Variants in RSF1 observed in about 807,000 individuals in gnomAD.
The protein encoded by RSF1 is remodeling and spacing factor 1, also known as HBV pX-associated protein 8.
In RSF1, 13 loss-of-function variants were observed where a neutral mutation model predicts 145.2. The observed-to-expected ratio is 0.09, with a 90% CI of 0.06 to 0.14. RSF1 has a LOEUF of 0.14. Among genes scored for constraint, RSF1 ranks in the 10% least tolerant of loss-of-function variants. The pLI is 1.00. For synonymous variants in RSF1, 577 were observed against 592.6 expected, an observed-to-expected ratio of 0.97 and a Z score of 0.38; for missense variants, 1,517 against 1,718.2, an observed-to-expected ratio of 0.88 and a Z score of 2.07.
At chr11:77,741,035 G>T in intron 3 of RSF1, 99 bp from the exon 4 acceptor site, 1 of 859,008 alleles carries the variant, frequency 1.2e-6, no homozygotes, top group Non-Finnish European at 1.9e-6. Flanking sequence ...GAAAGCAGTG[G>T]ACAGAACACA....
chr11:77,788,497 TAAA>T (rs35227998), intron 1 of RSF1, among the ~76,000 whole-genome samples: 79 of 130,726 alleles, frequency 6.0e-4, no homozygotes, highest in Non-Finnish European at 8.5e-4. Context: ...GAAGACAGGT[TAAA>T]AAAAAAAAAA....
chr11:77,781,535 A>G (rs952791821), intron 1 of RSF1, among the ~76,000 whole-genome samples: 3 of 152,234 alleles, frequency 2.0e-5, no homozygotes, highest in Admixed American at 2.0e-4. Context: ...GTTTAACCTA[A>G]TAAGAAACTC....
chr11:77,743,907 A>C (rs999868481), intron 3 of RSF1, among the ~76,000 whole-genome samples: 1 of 152,116 alleles, frequency 6.6e-6, no homozygotes, highest in African/African-American at 2.4e-5. Context: ...ATTTGTTGAG[A>C]GTTTTTATCA....
At chr11:77,674,521 T>C (rs1959639626) in intron 14 of RSF1, among the ~76,000 whole-genome samples, 1 of 152,202 alleles carries the variant, frequency 6.6e-6, no homozygotes, top group South Asian at 2.1e-4. Context: ...CCTATGAAGA[T>C]GAAGGTTTAG....
upstream of RSF1, among the ~76,000 whole-genome samples, chr11:77,822,414 CAAAAAAAAAA>C (rs66463325): frequency 4.0e-5 from 3 of 74,784 alleles, no homozygotes; most frequent in Admixed American, 4.9e-4. Context: ...GACTCCACCT[CAAAAAAAAAA>C]AAAAAAAAAA....
intron 1 of RSF1, among the ~76,000 whole-genome samples, chr11:77,797,447 C>G (rs1168459308): frequency 6.6e-6 from 1 of 152,178 alleles, no homozygotes; most frequent in Non-Finnish European, 1.5e-5. Context: ...GTTGGGAAAA[C>G]TGGCTAGCCA....
chr11:77,844,613 T>C, the RSF1 span, among the ~76,000 whole-genome samples: 1 of 152,236 alleles, frequency 6.6e-6, no homozygotes, highest in South Asian at 2.1e-4. Context: ...CCTCCCACCT[T>C]GGCCTCCCAA....
chr11:77,803,106 C>T (rs1483211248), intron 1 of RSF1, among the ~76,000 whole-genome samples: 1 of 152,086 alleles, frequency 6.6e-6, no homozygotes, highest in African/African-American at 2.4e-5. Context: ...CTTTATGCCA[C>T]GTAGTTTCAG....
At chr11:77,689,415 C>G (rs1360309778) in intron 9 of RSF1, among the ~76,000 whole-genome samples, 4 of 152,224 alleles carry the variant, frequency 2.6e-5, no homozygotes, top group African/African-American at 9.6e-5. Context: ...TATCTCCTAC[C>G]ATACCTCTAC....
At chr11:77,805,402 C>T (rs111373265) in intron 1 of RSF1, among the ~76,000 whole-genome samples, 5 of 151,726 alleles carry the variant, frequency 3.3e-5, no homozygotes, top group African/African-American at 9.7e-5. Context: ...GATCACACCA[C>T]TACACTCCAG....
intron 1 of RSF1, among the ~76,000 whole-genome samples, chr11:77,800,859 C>G (rs958006092): frequency 6.6e-6 from 1 of 151,760 alleles, no homozygotes; most frequent in Non-Finnish European, 1.5e-5. Flanking sequence ...GACTCTGTCT[C>G]TTCAATTAGC....
Position 77,732,582 on chromosome 11 carries a change from G to A in RSF1, c.579-6883C>T, listed in dbSNP as rs7939005. On this transcript the variant is annotated intron_variant, in intron 4 of 15. Transcript: ENST00000308488. ...TTCCCATCTGCTGTGGGAGGAATCC[G>A]GTGGAAGGCGATTGAATTAAGGGTG... Among the ~76,000 whole-genome samples the A allele has an allele frequency of 6.4e-3, 975 of 152,264 alleles. 9 individuals are homozygous for A. Among genetic ancestry groups the A allele is most frequent in the African/African-American group, 0.022 (910 of 41,556 alleles).
intron 5 of RSF1, among the ~76,000 whole-genome samples, chr11:77,710,589 G>C (rs1021352186): frequency 1.3e-5 from 2 of 152,084 alleles, no homozygotes; most frequent in African/African-American, 4.8e-5. Flanking sequence ...AACATATTCA[G>C]GTTCAATTTC....
intron 11 of RSF1, among the ~76,000 whole-genome samples, chr11:77,682,676 A>G (rs1027941385): frequency 2.0e-5 from 3 of 152,232 alleles, no homozygotes; most frequent in African/African-American, 7.2e-5. Flanking sequence ...AAGTCCACGT[A>G]AAACAGACAT....
Position 77,798,527 on chromosome 11 carries a change from G to A in RSF1, c.187+22001C>T, listed in dbSNP as rs548174911. On this transcript the variant is annotated intron_variant, in intron 1 of 15. Transcript: ENST00000308488. ...ACCTGGGAGGTGGAGGTTGCAGTGA[G>A]CCGAGATCATGCCACTGCACTCTAG... 9.9e-4 allele frequency among the ~76,000 whole-genome samples: 135 copies of A among 135,766 alleles called. 1 individual carries two copies. Among genetic ancestry groups the A allele is most frequent in the African/African-American group, 3.6e-3 (132 of 37,052 alleles). 89.1% of individuals were successfully genotyped at this position (135,766 alleles called of 152,430 possible). A position where few individuals can be genotyped will look rare whatever the true frequency, so the allele number is the denominator to read the frequency against.
chr11:77,678,761 T>C (rs1246932638), intron 11 of RSF1, among the ~76,000 whole-genome samples: 1 of 152,150 alleles, frequency 6.6e-6, no homozygotes, highest in Non-Finnish European at 1.5e-5. Flanking sequence ...AGGCCTTCAC[T>C]AGGCATCGGG....
rs1038708707 is a variant in RSF1, at chr11:77,744,169, C to T, written c.372+2867G>A. Reference sequence around the variant, plus strand: ...TCAGCCTCCCTAGTAGTTGGAATTACAGATATGTGCCACTATGCCCAGCTG... The same window carrying T: ...TCAGCCTCCCTAGTAGTTGGAATTATAGATATGTGCCACTATGCCCAGCTG... On this transcript the variant is annotated intron_variant, in intron 3 of 15. Coordinates refer to ENST00000308488, the MANE Select transcript of RSF1 (RefSeq NM_016578.4). Among the ~76,000 whole-genome samples, 13 of 152,206 alleles carry T rather than the reference C, an allele frequency of 8.5e-5. No individual in the cohort carries two copies. The East Asian group carries it at 1.4e-3, about 16-fold the overall frequency.
At chr11:77,789,702 C>T (rs1006974355) in intron 1 of RSF1, among the ~76,000 whole-genome samples, 2 of 152,184 alleles carry the variant, frequency 1.3e-5, no homozygotes, top group African/African-American at 4.8e-5. Flanking sequence ...CTGCCCAGGG[C>T]CTGGGGAATG....
intron 6 of RSF1, 39 bp downstream of exon 6, chr11:77,700,680 TAG>T (rs768620740): frequency 4.8e-5 from 69 of 1,428,308 alleles, no homozygotes; most frequent in Non-Finnish European, 5.8e-5. Context: ...TATTAATATA[TAG>T]AGACAAATAT....
Sources: gnomAD v4.1 joint callset for allele counts (sites outside exome capture counted in the v4.1 genomes callset) on GRCh38, gnomAD v4.1.1 for gene constraint, MANE v1.5 for transcripts, NCBI Gene and HGNC (gene_info 2026-07-23, HGNC 2026-07-21) for gene names.